Variants in RILPL1 observed in about 807,000 individuals in gnomAD.
The protein encoded by RILPL1 is Rab interacting lysosomal protein like 1, also known as RILP-like protein 1.
Under a neutral mutation model 50.3 loss-of-function variants are expected in RILPL1, and 33 were observed. The observed-to-expected ratio is 0.66, with a 90% confidence interval of 0.50 to 0.88. The LOEUF (loss-of-function observed/expected upper bound fraction) is 0.88, where lower values mean the gene tolerates loss of function less well. Among genes scored for constraint, RILPL1 ranks in the 40% least tolerant of loss-of-function variants. RILPL1 has a pLI of 0.00. For missense variants in RILPL1, 418 were observed against 542.5 expected (o/e 0.77, Z 2.28); for synonymous variants, 205 against 228.6 (o/e 0.90, Z 0.93).
intron 2 of RILPL1, among the ~76,000 whole-genome samples, chr12:123,504,703 G>A (rs9697735): frequency 0.29 from 44,115 of 151,908 alleles, 7,443 homozygotes; most frequent in African/African-American, 0.46. Context: ...CACTGGAAAT[G>A]GGTCTTATTA....
At chr12:123,502,898 TC>T (rs1883485794) in intron 2 of RILPL1, among the ~76,000 whole-genome samples, 1 of 152,082 alleles carries the variant, frequency 6.6e-6, no homozygotes, top group Non-Finnish European at 1.5e-5. Context: ...ATTTTTTTTT[TC>T]TTTTTTGAGA....
chr12:123,489,329 C>T lies in RILPL1; in HGVS notation c.802-3524G>A, dbSNP rs1882541386. Among the ~76,000 whole-genome samples, 1 of 151,996 alleles carries T rather than the reference C, an allele frequency of 6.6e-6. No individual in the cohort carries two copies. Among genetic ancestry groups the T allele is most frequent in the East Asian group, 1.9e-4 (1 of 5,166 alleles). On this transcript the variant is annotated intron_variant, in intron 4 of 6. Coordinates refer to ENST00000376874, the MANE Select transcript of RILPL1 (RefSeq NM_178314.5). This position sits in a 1 kb window ranked among gnomAD's most constrained non-coding sequence, Gnocchi z 4.0. ...CTGAAGTCAGGAGTTCGAGACCAGC[C>T]TGGACAACATGGTGAAACGCTATCT...
chr12:123,495,464 T>A (rs1467956155), intron 4 of RILPL1, among the ~76,000 whole-genome samples: 2 of 149,872 alleles, frequency 1.3e-5, no homozygotes, highest in African/African-American at 4.9e-5. Context: ...AAGCTTCGCC[T>A]CCTGGGTTCA....
intron 1 of RILPL1, among the ~76,000 whole-genome samples, chr12:123,525,566 T>C (rs997671905): frequency 1.3e-4 from 19 of 151,000 alleles, no homozygotes; most frequent in African/African-American, 3.9e-4. Context: ...CCGGGTGTGG[T>C]GGCAGACACC....
intron 2 of RILPL1, among the ~76,000 whole-genome samples, chr12:123,510,965 G>T (rs1479494059): frequency 7.4e-6 from 1 of 134,776 alleles, no homozygotes; most frequent in African/African-American, 3.1e-5. Flanking sequence ...GATGTGTGAG[G>T]TCTGTGTGTG....
In RILPL1 at chr12:123,522,586, T is replaced by C. The variant is rs1019776485; in HGVS notation, c.460+909A>G. ...CATTTCCAGCCTCCTGAGGCCTCAATCATCTTCTGACACACTAGCCTTCTT... is the reference window on the plus strand; with the variant it reads ...CATTTCCAGCCTCCTGAGGCCTCAACCATCTTCTGACACACTAGCCTTCTT... On this transcript the variant is annotated intron_variant, in intron 2 of 6. Coordinates refer to ENST00000376874, the MANE Select transcript of RILPL1 (RefSeq NM_178314.5). The surrounding 1 kb of genome is among the most constrained non-coding windows in gnomAD (Gnocchi z 4.0). Among the ~76,000 whole-genome samples the C allele has an allele frequency of 1.3e-5, 2 of 152,128 alleles. No individual in the cohort carries two copies. The highest frequency in any genetic ancestry group is 4.8e-5 in the African/African-American group (2 of 41,440).
chr12:123,498,735 T>C lies in RILPL1; in HGVS notation c.610A>G (p.Ile204Val). 1 of 1,613,344 alleles carries C rather than the reference T, an allele frequency of 6.2e-7. No individual in the cohort carries two copies. The highest frequency in any genetic ancestry group is 8.5e-7 in the Non-Finnish European group (1 of 1,179,884). The change falls in exon 4 of 7, where the codon ATC (isoleucine) becomes GTC (valine). Residue 204 changes from isoleucine (I) to valine (V), a missense_variant. Ile to Val is a conservative substitution (Grantham distance 29). Coordinates refer to ENST00000376874, the MANE Select transcript of RILPL1 (RefSeq NM_178314.5). This position sits in a 1 kb window ranked among gnomAD's most constrained non-coding sequence, Gnocchi z 4.3. Reference protein sequence around the residue: ...LQQQQTRLMKINHDLRHRVTV... With the variant: ...LQQQQTRLMKVNHDLRHRVTV... ...ACCCGGTGCCGAAGGTCATGGTTGATCTTCATCAGCCGTGTCTGCTGCTGC... is the reference window on the plus strand; with the variant it reads ...ACCCGGTGCCGAAGGTCATGGTTGACCTTCATCAGCCGTGTCTGCTGCTGC...
In RILPL1 at chr12:123,498,344, C is replaced by T. The variant is rs1277370555; in HGVS notation, c.801+200G>A. Among the ~76,000 whole-genome samples, 16 of 49,022 alleles carry T rather than the reference C, an allele frequency of 3.3e-4. 3 individuals are homozygous for T. In the South Asian group the frequency reaches 6.1e-3, roughly 19 times the overall value. 32.2% of individuals were successfully genotyped at this position (49,022 alleles called of 152,430 possible). A position where few individuals can be genotyped will look rare whatever the true frequency, so the allele number is the denominator to read the frequency against. On this transcript the variant is annotated intron_variant, in intron 4 of 6. Coordinates refer to ENST00000376874, the MANE Select transcript of RILPL1 (RefSeq NM_178314.5). The surrounding 1 kb of genome is among the most constrained non-coding windows in gnomAD (Gnocchi z 4.3). ...GATCCTCCTGCCTAAGCCTCCCAGG[C>T]AGGCAGCTGGTACTACAGGTGTGCA...
intron 4 of RILPL1, among the ~76,000 whole-genome samples, chr12:123,494,454 A>T (rs1882904245): frequency 6.6e-6 from 1 of 152,184 alleles, no homozygotes; most frequent in East Asian, 1.9e-4. Flanking sequence ...CAGACAGGGA[A>T]GCTGAAACTG....
chr12:123,516,060 A>AAAAAAAAAAAAAAAAAAAAAAAAG (rs1884676403), intron 2 of RILPL1, among the ~76,000 whole-genome samples: 1 of 143,508 alleles, frequency 7.0e-6, no homozygotes, highest in African/African-American at 2.7e-5. Flanking sequence ...AAAAAAAAAA[A>AAAAAAAAAAAAAAAAAAAAAAAAG]TGCCCCGAGA....
At chr12:123,475,548 G>T (rs1881527734) in intron 6 of RILPL1, 1 of 696,652 alleles carries the variant, frequency 1.4e-6, no homozygotes, top group African/African-American at 1.8e-5. Context: ...GAGCACACAG[G>T]TGGCGGCCAT....
chr12:123,472,464 G>T lies in RILPL1; in HGVS notation c.*74C>A. On this transcript the variant is annotated 3_prime_UTR_variant, in exon 7 of 7. Transcript: ENST00000376874. The stretch of plus-strand genomic sequence containing the variant: ...GCACCGAGAGGCTTGAGGCAGCAAT[G>T]ACCCCTGGGCTGCAGTTCGGTTGCA... 6.7e-7 allele frequency: 1 copy of T among 1,503,594 alleles called. No individual in the cohort carries two copies. Among genetic ancestry groups the T allele is most frequent in the South Asian group, 1.2e-5 (1 of 82,170 alleles). The allele number at this position is 1,503,594 out of a possible 1,614,324, so 93.1% of individuals were successfully genotyped here. A position where few individuals can be genotyped will look rare whatever the true frequency, so the allele number is the denominator to read the frequency against.
At chr12:123,492,174 T>A (rs1301450922) in intron 4 of RILPL1, among the ~76,000 whole-genome samples, 1 of 151,008 alleles carries the variant, frequency 6.6e-6, no homozygotes, top group Non-Finnish European at 1.5e-5. Flanking sequence ...TGCAGTGAAC[T>A]GAGATTGTGC....
At chr12:123,519,697 T>C (rs1884921583) in intron 2 of RILPL1, 1 of 152,238 alleles carries the variant, frequency 6.6e-6, no homozygotes, top group East Asian at 1.9e-4. Flanking sequence ...CTTCTCCTTG[T>C]TGTGTTCCCA....
intron 2 of RILPL1, chr12:123,514,052 G>A (rs1052003779): frequency 1.3e-5 from 2 of 152,202 alleles, no homozygotes; most frequent in African/African-American, 4.8e-5. Context: ...GATGAAAGAT[G>A]GAAGCCACCC....
chr12:123,520,111 C>T (rs1311197134), intron 2 of RILPL1, among the ~76,000 whole-genome samples: 1 of 152,210 alleles, frequency 6.6e-6, no homozygotes, highest in Non-Finnish European at 1.5e-5. Context: ...GAACTGAAAA[C>T]ATAGGTCCAC....
intron 2 of RILPL1, among the ~76,000 whole-genome samples, chr12:123,515,029 CAAA>C (rs1884609826): frequency 6.6e-6 from 1 of 151,484 alleles, no homozygotes; most frequent in Middle Eastern, 3.4e-3. Context: ...CTCCTGGGCT[CAAA>C]AGATTCTCCC....
At chr12:123,482,198 T>G (rs1446809724) in intron 6 of RILPL1, among the ~76,000 whole-genome samples, 1 of 152,142 alleles carries the variant, frequency 6.6e-6, no homozygotes, top group Non-Finnish European at 1.5e-5. Context: ...TAGGTTACTT[T>G]GAGTTGAGTT....
rs2139328031 is a variant in RILPL1, at chr12:123,491,904, G to A, written c.802-6099C>T. ...CACCTGTAATCCCAGCTACTCGGGA[G>A]GCTGAGGCACAAGAATTGCTTGAAC... On this transcript the variant is annotated intron_variant, in intron 4 of 6. Coordinates refer to ENST00000376874, the MANE Select transcript of RILPL1 (RefSeq NM_178314.5). This position sits in a 1 kb window ranked among gnomAD's most constrained non-coding sequence, Gnocchi z 4.0. 6.6e-6 allele frequency among the ~76,000 whole-genome samples: 1 copy of A among 152,100 alleles called. No homozygotes were observed. The highest frequency in any genetic ancestry group is 1.9e-4 in the East Asian group (1 of 5,190).
Sources: allele counts gnomAD v4.1 joint callset (sites outside exome capture counted in the v4.1 genomes callset), GRCh38; gene constraint gnomAD v4.1.1; non-coding constraint Gnocchi (gnomAD v3.1); transcripts MANE v1.5; gene names NCBI Gene and HGNC (gene_info 2026-07-23, HGNC 2026-07-21).